NKAIN2: variants seen among roughly 807,000 people sequenced by gnomAD.
NKAIN2 encodes the protein sodium/potassium-transporting ATPase subunit beta-1-interacting protein 2.
NKAIN2 carries 14 observed loss-of-function variants against 32.6 expected under a neutral mutation model. The ratio of observed to expected loss-of-function variants is 0.43; its 90% CI spans 0.28 to 0.67. NKAIN2 has a LOEUF of 0.67. Among genes scored for constraint, NKAIN2 ranks in the 30% least tolerant of loss-of-function variants. The probability of loss-of-function intolerance (pLI) is 0.17; values close to 1 mark genes in which losing one functional copy is unlikely to be tolerated. For missense variants in NKAIN2, 198 were observed against 258.3 expected (o/e 0.77, Z 1.60); for synonymous variants, 80 against 87.2 (o/e 0.92, Z 0.46).
At chr6:124,055,973 A>G (rs546144311) in intron 1 of NKAIN2, among the ~76,000 whole-genome samples, 76 of 152,156 alleles carry the variant, frequency 5.0e-4, no homozygotes, top group African/African-American at 1.5e-3. Context: ...CTTTTCTCCT[A>G]TCTCCAGAGA....
chr6:124,587,403 A>G (rs1017545134), intron 3 of NKAIN2, among the ~76,000 whole-genome samples: 2 of 151,436 alleles, frequency 1.3e-5, no homozygotes, highest in Non-Finnish European at 2.9e-5. Flanking sequence ...TATTTTTAGT[A>G]GAGATGGGGT....
chr6:124,489,543 A>G (rs1020298119), intron 3 of NKAIN2, among the ~76,000 whole-genome samples: 4 of 151,830 alleles, frequency 2.6e-5, no homozygotes, highest in Admixed American at 2.0e-4. Context: ...TGCTCAAAAC[A>G]CTTATATCAG....
intron 3 of NKAIN2, among the ~76,000 whole-genome samples, chr6:124,363,871 A>G (rs901747336): frequency 6.6e-6 from 1 of 152,190 alleles, no homozygotes; most frequent in African/African-American, 2.4e-5. Context: ...TACAGATGCT[A>G]AAAGAAAGAA....
intron 1 of NKAIN2, among the ~76,000 whole-genome samples, chr6:123,911,808 T>TACACACAC (rs1775209312): frequency 9.9e-6 from 1 of 101,342 alleles, no homozygotes; most frequent in African/African-American, 4.7e-5. Flanking sequence ...TATGTATATA[T>TACACACAC]ATATACACAC....
At chr6:123,961,091 A>G (rs948743095) in intron 1 of NKAIN2, among the ~76,000 whole-genome samples, 1 of 152,076 alleles carries the variant, frequency 6.6e-6, no homozygotes, top group African/African-American at 2.4e-5. Context: ...CCCTTGTTCA[A>G]TTCTATAGTC....
intron 3 of NKAIN2, among the ~76,000 whole-genome samples, chr6:124,445,679 G>A (rs1775860229): frequency 6.6e-6 from 1 of 151,722 alleles, no homozygotes; most frequent in South Asian, 2.1e-4. Context: ...AATAAATGCT[G>A]AAGGAAGCGT....
intron 4 of NKAIN2, among the ~76,000 whole-genome samples, chr6:124,768,552 A>G (rs993333248): frequency 6.6e-6 from 1 of 152,198 alleles, no homozygotes; most frequent in East Asian, 1.9e-4. Flanking sequence ...CTAATCCTAC[A>G]GTGTTTCCTA....
At chr6:124,328,769 C>A (rs1797527487) in intron 2 of NKAIN2, among the ~76,000 whole-genome samples, 1 of 151,976 alleles carries the variant, frequency 6.6e-6, no homozygotes. Flanking sequence ...ATGTAGGCTA[C>A]CTAAAGGAAG....
At chr6:124,766,267 C>T (rs1009019891) in intron 4 of NKAIN2, among the ~76,000 whole-genome samples, 1 of 152,124 alleles carries the variant, frequency 6.6e-6, no homozygotes, top group Non-Finnish European at 1.5e-5. Flanking sequence ...CCTCTTAGGA[C>T]TTTTGAGACT....
At chr6:124,480,126 T>C (rs1014624749) in intron 3 of NKAIN2, among the ~76,000 whole-genome samples, 1 of 152,216 alleles carries the variant, frequency 6.6e-6, no homozygotes, top group African/African-American at 2.4e-5. Flanking sequence ...TGACATTACA[T>C]AGACATTGCT....
intron 1 of NKAIN2, among the ~76,000 whole-genome samples, chr6:123,941,032 A>G (rs971459244): frequency 6.6e-6 from 1 of 151,736 alleles, no homozygotes; most frequent in Non-Finnish European, 1.5e-5. Flanking sequence ...CTATTTTAAA[A>G]TTTTTATTTT....
chr6:123,837,331 A>G (rs1373171208), intron 1 of NKAIN2, among the ~76,000 whole-genome samples: 2 of 152,062 alleles, frequency 1.3e-5, no homozygotes, highest in African/African-American at 2.4e-5. Flanking sequence ...TTCCAGCTCC[A>G]TAGGTCCTAC....
intron 1 of NKAIN2, among the ~76,000 whole-genome samples, chr6:124,146,857 A>C (rs1787434426): frequency 6.6e-6 from 1 of 152,204 alleles, no homozygotes; most frequent in Admixed American, 6.5e-5. Context: ...TGAGGAAAGC[A>C]AGGGAAATTA....
intron 1 of NKAIN2, among the ~76,000 whole-genome samples, chr6:123,999,239 A>G (rs958432569): frequency 6.6e-6 from 1 of 152,154 alleles, no homozygotes; most frequent in Admixed American, 6.6e-5. Context: ...CCTAGTGCCT[A>G]CATTATTCAT....
intron 3 of NKAIN2, among the ~76,000 whole-genome samples, chr6:124,551,391 G>T (rs1780281205): frequency 6.6e-6 from 1 of 152,192 alleles, no homozygotes; most frequent in Non-Finnish European, 1.5e-5. Context: ...CACACCAGTG[G>T]TGTTGCCATC....
intron 3 of NKAIN2, among the ~76,000 whole-genome samples, chr6:124,576,593 CAGTGAACCAA>C (rs1164667285): frequency 6.6e-6 from 1 of 152,058 alleles, no homozygotes; most frequent in Middle Eastern, 3.2e-3. Context: ...CTGCACAGCT[CAGTGAACCAA>C]TATTTTCCAA....
intron 1 of NKAIN2, among the ~76,000 whole-genome samples, chr6:123,903,465 G>T (rs1774702512): frequency 6.6e-6 from 1 of 152,126 alleles, no homozygotes; most frequent in Admixed American, 6.6e-5. Context: ...AACATCAAAG[G>T]TTAGCACAGC....
intron 1 of NKAIN2, among the ~76,000 whole-genome samples, chr6:124,182,518 T>C (rs571427927): frequency 3.3e-5 from 5 of 152,314 alleles, no homozygotes; most frequent in Non-Finnish European, 5.9e-5. Context: ...CTCACTAATT[T>C]GGTGTGTTGG....
At chr6:123,930,470 C>T (rs1776204780) in intron 1 of NKAIN2, among the ~76,000 whole-genome samples, 2 of 152,040 alleles carry the variant, frequency 1.3e-5, no homozygotes, top group Admixed American at 1.3e-4. Flanking sequence ...TGACTCTGCT[C>T]CTGTAATCTA....
Sources: allele counts gnomAD v4.1 joint callset (sites outside exome capture counted in the v4.1 genomes callset), GRCh38; gene constraint gnomAD v4.1.1; transcripts MANE v1.5; gene names NCBI Gene and HGNC (gene_info 2026-07-23, HGNC 2026-07-21).